SMC1B: variants seen among roughly 807,000 people sequenced by gnomAD.
The protein encoded by SMC1B is structural maintenance of chromosomes protein 1B.
Under a neutral mutation model 157.9 loss-of-function variants are expected in SMC1B, and 60 were observed. That is an observed-to-expected ratio of 0.38 (90% CI 0.31 to 0.47). SMC1B has a LOEUF of 0.47. SMC1B is among the 20% of genes least tolerant of loss of function. The pLI is 0.99. For synonymous variants in SMC1B, 445 were observed against 483.0 expected (o/e 0.92, Z 1.03); for missense variants, 1,165 against 1,426.2 (o/e 0.82, Z 2.95).
chr22:45,363,457 C>T (rs1004705997), intron 15 of SMC1B, among the ~76,000 whole-genome samples: 5 of 152,150 alleles, frequency 3.3e-5, no homozygotes, highest in African/African-American at 1.2e-4. Context: ...CAAGGTGGCA[C>T]ATCACTTGAG....
chr22:45,363,045 GC>G lies in SMC1B; in HGVS notation c.2421-20del, dbSNP rs1187564331. On this transcript the variant is annotated intron_variant, in intron 15 of 24. Coordinates refer to ENST00000357450, the MANE Select transcript of SMC1B (RefSeq NM_148674.5). The stretch of plus-strand genomic sequence containing the variant: ...TTCTAATCTAGTATAATAAAGTCAA[GC>G]ATTACAAGTGTAAACAGAAAACTTT... 3.3e-6 allele frequency: 5 copies of G among 1,528,402 alleles called. No homozygotes were observed. Among genetic ancestry groups the G allele is most frequent in the African/African-American group, 1.4e-5 (1 of 70,672 alleles). 94.7% of individuals were successfully genotyped at this position (1,528,402 alleles called of 1,614,324 possible).
intron 12 of SMC1B, among the ~76,000 whole-genome samples, chr22:45,375,079 G>C (rs1191565104): frequency 6.6e-6 from 1 of 152,196 alleles, no homozygotes; most frequent in Non-Finnish European, 1.5e-5. Flanking sequence ...AGTCAAGCTG[G>C]GAACTGCTTA....
At chr22:45,407,007 G>A (rs2087269637) in intron 2 of SMC1B, 142 bp from the exon 3 acceptor site, 2 of 590,248 alleles carry the variant, frequency 3.4e-6, no homozygotes, top group Admixed American at 3.6e-5. Context: ...TGCATTTAAT[G>A]AGTCAACAAA....
rs1046744140 is a variant in SMC1B, at chr22:45,399,164, T to C, written c.1044A>G (p.Arg348=). The change falls in exon 6 of 25, where the codon AGA becomes AGG. Residue 348 remains arginine (R), a synonymous_variant. Transcript: ENST00000357450. ...TELADLDAAW[R]SFEKQIEEEI... ...CTTCCTCAATCTGCTTTTCAAAACT[T>C]CTCCATGCAGCATCTAAATCAGCCA... The C allele has an allele frequency of 7.4e-6, 12 of 1,613,866 alleles. No homozygotes were observed. The African/African-American group carries it at 1.2e-4, about 16-fold the overall frequency.
intron 12 of SMC1B, among the ~76,000 whole-genome samples, chr22:45,383,084 G>C (rs1024872359): frequency 6.6e-6 from 1 of 151,386 alleles, no homozygotes; most frequent in Non-Finnish European, 1.5e-5. Flanking sequence ...GGTGAGCCAA[G>C]ATCGCACCAT....
chr22:45,359,832 C>G lies in SMC1B; in HGVS notation c.2835G>C (p.Gly945=), dbSNP rs1279277921. The G allele has an allele frequency of 1.9e-6, 3 of 1,613,648 alleles. No homozygotes were observed. The highest frequency in any genetic ancestry group is 2.5e-6 in the Non-Finnish European group (3 of 1,179,724). ...VQDIEIILLS[G]SLDDIIEVEM... Reference sequence around the variant, plus strand: ...CCACTTCAATGATGTCATCCAGTGACCCCGACAAAAGGATTATCTCAATGT... The same window carrying G: ...CCACTTCAATGATGTCATCCAGTGAGCCCGACAAAAGGATTATCTCAATGT... The change falls in exon 18 of 25, where the codon GGG becomes GGC. Residue 945 remains glycine, a synonymous_variant. Coordinates refer to ENST00000357450, the MANE Select transcript of SMC1B (RefSeq NM_148674.5).
chr22:45,367,006 A>G (rs535257943), intron 15 of SMC1B, among the ~76,000 whole-genome samples: 4 of 152,272 alleles, frequency 2.6e-5, no homozygotes, highest in African/African-American at 9.6e-5. Flanking sequence ...CTTCTCCGAT[A>G]AATTTCTGAG....
chr22:45,410,469 G>C (rs562480823), intron 1 of SMC1B, among the ~76,000 whole-genome samples: 77 of 152,280 alleles, frequency 5.1e-4, no homozygotes, highest in African/African-American at 1.6e-3. Flanking sequence ...TTGGGAGGCC[G>C]AGGCAGGAAG....
At chr22:45,404,656 T>C (rs573684068) in intron 4 of SMC1B, among the ~76,000 whole-genome samples, 6 of 152,380 alleles carry the variant, frequency 3.9e-5, no homozygotes, top group African/African-American at 1.2e-4. Flanking sequence ...TTCAATCAAT[T>C]GCCAATCAGA....
intron 22 of SMC1B, among the ~76,000 whole-genome samples, chr22:45,351,736 C>T (rs1221244053): frequency 6.6e-6 from 1 of 152,126 alleles, no homozygotes; most frequent in Non-Finnish European, 1.5e-5. Context: ...TTTCTGTAGA[C>T]ACGGGGTCTC....
chr22:45,352,054 A>C (rs919303645), intron 22 of SMC1B, among the ~76,000 whole-genome samples: 1 of 152,166 alleles, frequency 6.6e-6, no homozygotes, highest in Non-Finnish European at 1.5e-5. Context: ...AAAATGGAAT[A>C]GTAGTAGCTA....
intron 5 of SMC1B, among the ~76,000 whole-genome samples, chr22:45,400,017 G>A (rs1025644172): frequency 9.2e-5 from 14 of 152,186 alleles, no homozygotes; most frequent in African/African-American, 3.1e-4. Context: ...TAATGGCTTA[G>A]AATTGGGAGA....
chr22:45,374,147 G>A (rs1035709801), intron 12 of SMC1B, among the ~76,000 whole-genome samples: 29 of 116,678 alleles, frequency 2.5e-4, no homozygotes, highest in Admixed American at 1.4e-3. Context: ...AATTTTATAT[G>A]AGAAAGAATC....
intron 12 of SMC1B, among the ~76,000 whole-genome samples, chr22:45,375,220 C>T (rs1236881596): frequency 1.3e-5 from 2 of 152,206 alleles, no homozygotes; most frequent in African/African-American, 4.8e-5. Flanking sequence ...TCTTATCTAC[C>T]TATGACCTGG....
chr22:45,393,974 C>A (rs1270461519), intron 8 of SMC1B, 133 bp from the exon 9 acceptor site: 8 of 626,282 alleles, frequency 1.3e-5, no homozygotes, highest in Non-Finnish European at 1.9e-5. Context: ...GTAAAAAATG[C>A]AATAAACCTG....
chr22:45,373,333 T>A (rs575850117), intron 12 of SMC1B, among the ~76,000 whole-genome samples: 34 of 152,294 alleles, frequency 2.2e-4, no homozygotes, highest in African/African-American at 7.9e-4. Context: ...TACAATAAGA[T>A]GGGGCACAAA....
chr22:45,353,946 C>T, intron 21 of SMC1B, 32 bp downstream of exon 21: 2 of 687,420 alleles, frequency 2.9e-6, no homozygotes, highest in Non-Finnish European at 4.3e-6. Context: ...ACACAGAATT[C>T]TCACTAGTAT....
intron 15 of SMC1B, among the ~76,000 whole-genome samples, chr22:45,366,085 A>G (rs1338731207): frequency 6.6e-6 from 1 of 152,156 alleles, no homozygotes; most frequent in Non-Finnish European, 1.5e-5. Context: ...ATCTGGTGGA[A>G]CGATCTTGGC....
intron 1 of SMC1B, among the ~76,000 whole-genome samples, chr22:45,413,213 G>A (rs536367453): frequency 2.1e-4 from 32 of 151,990 alleles, no homozygotes; most frequent in Non-Finnish European, 4.6e-4. Flanking sequence ...CAGGACCTCC[G>A]AGGTGGGGCG....
Sources: gnomAD v4.1 joint callset for allele counts (sites outside exome capture counted in the v4.1 genomes callset) on GRCh38, gnomAD v4.1.1 for gene constraint, MANE v1.5 for transcripts, NCBI Gene and HGNC (gene_info 2026-07-23, HGNC 2026-07-21) for gene names.